AGPS: variants seen among roughly 807,000 people sequenced by gnomAD.
The protein encoded by AGPS is alkyldihydroxyacetonephosphate synthase, peroxisomal.
AGPS carries 26 observed loss-of-function variants against 90.7 expected under a neutral mutation model. The observed-to-expected ratio is 0.29, with a 90% confidence interval of 0.21 to 0.40. The LOEUF (loss-of-function observed/expected upper bound fraction) is 0.40. Among genes scored for constraint, AGPS ranks in the 10% least tolerant of loss-of-function variants. The pLI, the probability that AGPS is intolerant of heterozygous loss-of-function variation, is 1.00. For synonymous variants in AGPS, 294 were observed against 285.3 expected (o/e 1.03, Z -0.31); for missense variants, 540 against 816.1 (o/e 0.66, Z 4.12).
chr2:177,499,597 TA>T lies in AGPS; in HGVS notation c.1363-18del, dbSNP rs761820462. The T allele has an allele frequency of 9.4e-5, 139 of 1,472,512 alleles. No homozygotes were observed. Among genetic ancestry groups the T allele is most frequent in the South Asian group, 5.4e-4 (47 of 86,270 alleles). 91.2% of individuals were successfully genotyped at this position (1,472,512 alleles called of 1,614,324 possible). On this transcript the variant is annotated intron_variant, in intron 13 of 19. Transcript: ENST00000264167. ...GTAGGATAAGACTTATCTGTAATAA[TA>T]AATTTTTTTTTTTTTGTAGTTTAAA... is the stretch of plus-strand genomic sequence containing the variant.
At chr2:177,517,428 T>C (rs1042480220) in intron 17 of AGPS, among the ~76,000 whole-genome samples, 7 of 152,160 alleles carry the variant, frequency 4.6e-5, no homozygotes, top group African/African-American at 1.7e-4. Flanking sequence ...TCTGATCATA[T>C]TTGGTATTTG....
At chr2:177,499,400 A>AG in intron 13 of AGPS, among the ~76,000 whole-genome samples, 1 of 152,018 alleles carries the variant, frequency 6.6e-6, no homozygotes, top group Admixed American at 6.6e-5. Context: ...TTTGAAATAA[A>AG]GTGTTTTTTT....
chr2:177,442,264 T>C, intron 6 of AGPS, 143 bp from the exon 7 acceptor site: 1 of 677,094 alleles, frequency 1.5e-6, no homozygotes, highest in Non-Finnish European at 2.6e-6. Flanking sequence ...TGTTAGCATT[T>C]GCAAGTTGTA....
Position 177,530,039 on chromosome 2 carries a change from A to G in AGPS, c.1855+6234A>G, listed in dbSNP as rs535923613. Among the ~76,000 whole-genome samples, 3 of 152,358 alleles carry G rather than the reference A, an allele frequency of 2.0e-5. No individual in the cohort carries two copies. In the South Asian group the frequency reaches 6.2e-4, roughly 32 times the overall value. On this transcript the variant is annotated intron_variant, in intron 19 of 19. Transcript: ENST00000264167. ...GTTTGTTTGTTTGTTTGTTTTTAAT[A>G]ATAGCAATAAACAGCACCAGGTGGC...
chr2:177,421,991 GGT>G (rs1280073431), intron 2 of AGPS, among the ~76,000 whole-genome samples: 19 of 151,628 alleles, frequency 1.3e-4, no homozygotes, highest in Admixed American at 1.2e-3. Flanking sequence ...TATATGAGAA[GGT>G]GTGTGTGTAT....
intron 19 of AGPS, among the ~76,000 whole-genome samples, chr2:177,536,969 T>G (rs2079189725): frequency 6.6e-6 from 1 of 152,158 alleles, no homozygotes; most frequent in Admixed American, 6.6e-5. Flanking sequence ...GCTGAATACT[T>G]TAATGAAAGA....
At chr2:177,506,959 A>T (rs1335577693) in intron 15 of AGPS, among the ~76,000 whole-genome samples, 1 of 152,050 alleles carries the variant, frequency 6.6e-6, no homozygotes, top group East Asian at 1.9e-4. Flanking sequence ...GCATAGACAC[A>T]ATTTGGAGTA....
At chr2:177,453,477 G>C (rs755458140) in intron 8 of AGPS, among the ~76,000 whole-genome samples, 1 of 151,680 alleles carries the variant, frequency 6.6e-6, no homozygotes, top group Non-Finnish European at 1.5e-5. Context: ...TACCATGTTG[G>C]TCAGGCTGGT....
chr2:177,431,474 G>A (rs755359981), intron 2 of AGPS, among the ~76,000 whole-genome samples: 5 of 152,080 alleles, frequency 3.3e-5, no homozygotes, highest in Non-Finnish European at 7.4e-5. Flanking sequence ...TTACCAGAGC[G>A]GGATCTTTTC....
At chr2:177,432,983 C>A (rs1326297687) in intron 2 of AGPS, among the ~76,000 whole-genome samples, 1 of 152,156 alleles carries the variant, frequency 6.6e-6, no homozygotes, top group South Asian at 2.1e-4. Context: ...TCCCTTCCCC[C>A]AGGGCATTAA....
chr2:177,521,318 T>G lies in AGPS; in HGVS notation c.1747T>G (p.Phe583Val). The change falls in exon 18 of 20, where the codon TTT becomes GTT. Residue 583 changes from phenylalanine to valine, a missense_variant. Physicochemically the swap from Phe to Val is conservative, Grantham distance 50. Around this residue, in one of 2 missense-constraint regions of AGPS, gnomAD observed 405 missense variants for 692.1 expected, o/e 0.59. Transcript: ENST00000264167. ...AGACIYFYFAFNYRGISDPLT... is the reference protein window; with the variant it reads ...AGACIYFYFAVNYRGISDPLT... The stretch of plus-strand genomic sequence containing the variant: ...TGCTTGTATCTACTTCTATTTTGCC[T>G]TTAACTACAGGGGAATTAGTGACCC... 6.2e-7 allele frequency: 1 copy of G among 1,614,132 alleles called. No individual in the cohort carries two copies. The highest frequency in any genetic ancestry group is 8.5e-7 in the Non-Finnish European group (1 of 1,179,976).
At chr2:177,461,863 A>T (rs958461146) in intron 8 of AGPS, 30 bp from the exon 9 acceptor site, 1 of 1,597,466 alleles carries the variant, frequency 6.3e-7, no homozygotes, top group Admixed American at 1.7e-5. Flanking sequence ...GACCATTTTC[A>T]CTGTAAAATG....
intron 9 of AGPS, among the ~76,000 whole-genome samples, chr2:177,463,050 T>C (rs138272892): frequency 4.6e-5 from 7 of 152,210 alleles, no homozygotes; most frequent in Non-Finnish European, 8.8e-5. Flanking sequence ...TTTTCCTGTA[T>C]AGAATTAAAT....
chr2:177,458,833 T>C lies in AGPS; in HGVS notation c.871-3060T>C, dbSNP rs903590637. 2.6e-5 allele frequency among the ~76,000 whole-genome samples: 4 copies of C among 152,176 alleles called. No individual in the cohort carries two copies. In the South Asian group the frequency reaches 8.3e-4, roughly 32 times the overall value. ...GAATTGGAAAAAACTACTTTAAACT[T>C]CATATGGAACAAAAAAAGAGCCCAC... On this transcript the variant is annotated intron_variant, in intron 8 of 19. Transcript: ENST00000264167.
chr2:177,522,656 G>T (rs1186035704), intron 18 of AGPS, among the ~76,000 whole-genome samples: 1 of 152,006 alleles, frequency 6.6e-6, no homozygotes, highest in Admixed American at 6.6e-5. Flanking sequence ...GGTTTCACCA[G>T]TTGGCCAGGC....
chr2:177,440,555 G>A (rs1024366943), intron 5 of AGPS, among the ~76,000 whole-genome samples: 3 of 152,106 alleles, frequency 2.0e-5, no homozygotes, highest in Non-Finnish European at 2.9e-5. Context: ...AAGACACAAG[G>A]CAACTAAATG....
chr2:177,411,025 G>A (rs1685606191), intron 1 of AGPS, among the ~76,000 whole-genome samples: 1 of 152,136 alleles, frequency 6.6e-6, no homozygotes, highest in African/African-American at 2.4e-5. Context: ...GCCTTTCGGT[G>A]TTCCAGAGCC....
At chr2:177,453,707 T>TG (rs1386645280) in intron 8 of AGPS, among the ~76,000 whole-genome samples, 1 of 143,300 alleles carries the variant, frequency 7.0e-6, no homozygotes, top group African/African-American at 2.6e-5. Flanking sequence ...TTTTTTTTTT[T>TG]TTTTTGGAGA....
intron 2 of AGPS, among the ~76,000 whole-genome samples, chr2:177,425,529 G>C (rs540593563): frequency 2.7e-5 from 4 of 149,868 alleles, no homozygotes; most frequent in African/African-American, 9.8e-5. Context: ...GCTGAGGCAG[G>C]AGACTCGCTT....
Sources: allele counts gnomAD v4.1 joint callset (sites outside exome capture counted in the v4.1 genomes callset), GRCh38; gene constraint gnomAD v4.1.1; regional missense constraint gnomAD v4.1.1; transcripts MANE v1.5; gene names NCBI Gene and HGNC (gene_info 2026-07-23, HGNC 2026-07-21).